Variants in SSBP4 observed in about 807,000 individuals in gnomAD.
SSBP4 encodes single-stranded DNA-binding protein 4.
A neutral mutation model predicts 64.6 loss-of-function variants in SSBP4; 33 were observed. The ratio of observed to expected loss-of-function variants is 0.51; its 90% CI spans 0.39 to 0.68. The LOEUF (loss-of-function observed/expected upper bound fraction) is 0.68, where lower values mean the gene tolerates loss of function less well. Among genes scored for constraint, SSBP4 ranks in the 30% least tolerant of loss-of-function variants. The probability of loss-of-function intolerance (pLI) is 0.00; values close to 1 mark genes in which losing one functional copy is unlikely to be tolerated. For synonymous variants in SSBP4, 243 were observed against 224.0 expected (o/e 1.08, Z -0.76); for missense variants, 583 against 566.8 (o/e 1.03, Z -0.29).
intron 1 of SSBP4, among the ~76,000 whole-genome samples, chr19:18,420,450 G>A (rs1176046874): frequency 6.6e-6 from 1 of 152,196 alleles, no homozygotes; most frequent in African/African-American, 2.4e-5. Flanking sequence ...GTGGGGCTGA[G>A]GTCTCTCGGG....
At position 18,419,654 on chromosome 19, in the gene SSBP4, C is replaced by T; in HGVS notation, c.6C>T (p.Tyr2=). The stretch of plus-strand genomic sequence containing the variant: ...CGGCGGCGGCGTGGAGCAGCATGTA[C>T]GCCAAGGGGGGCAAGGGTTCGGCCG... M[Y]AKGGKGSAVP... The change falls in exon 1 of 18, where the codon TAC becomes TAT. Residue 2 remains tyrosine (Y), a synonymous_variant. Coordinates refer to ENST00000270061, the MANE Select transcript of SSBP4 (RefSeq NM_032627.5). 2 of 1,254,786 alleles carry T rather than the reference C, an allele frequency of 1.6e-6. No individual in the cohort carries two copies. The highest frequency in any genetic ancestry group is 2.0e-6 in the Non-Finnish European group (2 of 994,904). The allele number at this position is 1,254,786 out of a possible 1,614,324, so 77.7% of individuals were successfully genotyped here. A position where few individuals can be genotyped will look rare whatever the true frequency, so the allele number is the denominator to read the frequency against.
chr19:18,433,138 C>G lies in SSBP4; in HGVS notation c.916C>G (p.Pro306Ala), dbSNP rs753415698. ...IGQGAGRANF[P>A]LGPGPEGPMA... Reference sequence around the variant, plus strand: ...CACGCTGTCCCCATGCCCGCAGTTCCCGCTCGGCCCTGGCCCGGAGGGCCC... The same window carrying G: ...CACGCTGTCCCCATGCCCGCAGTTCGCGCTCGGCCCTGGCCCGGAGGGCCC... Residue 306 changes from proline to alanine, a missense_variant, in exon 15 of 18, where the codon CCG becomes GCG. By Grantham distance (27) the Pro-to-Ala change is conservative (BLOSUM62 -1). Around this residue, in one of 5 missense-constraint regions of SSBP4, gnomAD observed 444 missense variants for 386.6 expected, o/e 1.15. Transcript: ENST00000270061. 6.2e-7 allele frequency: 1 copy of G among 1,607,502 alleles called. No homozygotes were observed. The highest frequency in any genetic ancestry group is 1.1e-5 in the South Asian group (1 of 90,486).
At chr19:18,408,023 G>A in the SSBP4 span, among the ~76,000 whole-genome samples, 1 of 152,118 alleles carries the variant, frequency 6.6e-6, no homozygotes, top group South Asian at 2.1e-4. Context: ...GGGACTACAG[G>A]CATGAGCCAC....
intron 4 of SSBP4, among the ~76,000 whole-genome samples, chr19:18,430,446 TG>T (rs1973267141): frequency 6.6e-6 from 1 of 151,610 alleles, no homozygotes; most frequent in East Asian, 1.9e-4. Flanking sequence ...AAGGGCAGGG[TG>T]GGGTGGGGCA....
chr19:18,417,574 G>T (rs1023686192), upstream of SSBP4, among the ~76,000 whole-genome samples: 1 of 152,182 alleles, frequency 6.6e-6, no homozygotes, highest in African/African-American at 2.4e-5. This position sits in a 1 kb window ranked among gnomAD's most constrained non-coding sequence, Gnocchi z 5.4. Flanking sequence ...GGAGTGACCT[G>T]GACGCCGAAG....
Position 18,431,628 on chromosome 19 carries a change from C to A in SSBP4, c.436-19C>A, listed in dbSNP as rs1473928697. On this transcript the variant is annotated intron_variant, in intron 6 of 17. Transcript: ENST00000270061. ...CCAGAGGGTGGGGGAAGGTGCTGAT[C>A]CCCGCCCACCTCTTCCAGCCCTTCA... is the stretch of plus-strand genomic sequence containing the variant. The A allele has an allele frequency of 6.5e-7, 1 of 1,537,612 alleles. No homozygotes were observed. Among genetic ancestry groups the A allele is most frequent in the South Asian group, 1.2e-5 (1 of 83,656 alleles).
intron 6 of SSBP4, 35 bp downstream of exon 6, chr19:18,431,453 A>G: frequency 8.3e-7 from 1 of 1,210,520 alleles, no homozygotes; most frequent in Non-Finnish European, 1.2e-6. Context: ...TCACACACAC[A>G]CATCCCCTCC....
upstream of SSBP4, chr19:18,419,395 C>T (rs1972262636): frequency 9.7e-7 from 1 of 1,032,620 alleles, no homozygotes; most frequent in African/African-American, 1.7e-5. Context: ...GAGGGGAGCG[C>T]GCGTTTCCCG....
intron 17 of SSBP4, 154 bp from the exon 18 acceptor site, chr19:18,434,063 C>T (rs996891492): frequency 2.2e-5 from 28 of 1,299,752 alleles, no homozygotes; most frequent in Non-Finnish European, 2.6e-5. Flanking sequence ...GGCGGCCTTC[C>T]CATGCATCGC....
intron 15 of SSBP4, 111 bp from the exon 16 acceptor site, chr19:18,433,474 G>A: frequency 2.0e-6 from 3 of 1,504,474 alleles, no homozygotes; most frequent in Non-Finnish European, 2.7e-6. Context: ...GGGCTGTGCG[G>A]GGCGGGGGCG....
At chr19:18,415,715 C>T (rs527637676), upstream of SSBP4, among the ~76,000 whole-genome samples, 2 of 152,274 alleles carry the variant, frequency 1.3e-5, no homozygotes, top group South Asian at 2.1e-4. Context: ...GCGTTCCAGG[C>T]GGCAGGAACC....
At chr19:18,420,434 GTCGTGGTGGGGCTGAGGTCTC>G (rs1308789969) in intron 1 of SSBP4, among the ~76,000 whole-genome samples, 1 of 152,158 alleles carries the variant, frequency 6.6e-6, no homozygotes, top group East Asian at 1.9e-4. Flanking sequence ...TGGAGGAAGG[GTCGTGGTGGGGCTGAGGTCTC>G]TCGGGGTGGG....
At chr19:18,404,593 CAAAA>C in the SSBP4 span, among the ~76,000 whole-genome samples, 1 of 72,924 alleles carries the variant, frequency 1.4e-5, no homozygotes. Flanking sequence ...GACTCTGTCT[CAAAA>C]AAAAAAAAAA....
At chr19:18,432,772 G>T (rs1973544381) in intron 12 of SSBP4, 37 bp downstream of exon 12, 1 of 1,612,990 alleles carries the variant, frequency 6.2e-7, no homozygotes, top group East Asian at 2.2e-5. Context: ...CCTGGGCAGG[G>T]GTTGTGGGAT....
At chr19:18,429,470 CGG>C (rs72317419) in intron 4 of SSBP4, among the ~76,000 whole-genome samples, 39,394 of 116,626 alleles carry the variant, frequency 0.34, 6,157 homozygotes, top group African/African-American at 0.47. Flanking sequence ...TCGCAGGGGG[CGG>C]GGGGGGGGTG....
At position 18,433,307 on chromosome 19, in the gene SSBP4, A is replaced by G; in HGVS notation, c.991+94A>G. The G allele has an allele frequency of 3.4e-6, 5 of 1,471,284 alleles. No homozygotes were observed. In the South Asian group the frequency reaches 6.2e-5, roughly 18 times the overall value. The allele number at this position is 1,471,284 out of a possible 1,614,324, so 91.1% of individuals were successfully genotyped here. On this transcript the variant is annotated intron_variant, in intron 15 of 17. Coordinates refer to ENST00000270061, the MANE Select transcript of SSBP4 (RefSeq NM_032627.5). ...TGCCGTCAGCCCGCCTGCCGGGTGGAGGCGTCTAGTGGCGTCCTGAGCCCC... is the reference window on the plus strand; with the variant it reads ...TGCCGTCAGCCCGCCTGCCGGGTGGGGGCGTCTAGTGGCGTCCTGAGCCCC...
chr19:18,413,069 A>C, the SSBP4 span, among the ~76,000 whole-genome samples: 6 of 151,558 alleles, frequency 4.0e-5, no homozygotes, highest in African/African-American at 1.5e-4. Flanking sequence ...CCCGCCTGGG[A>C]CAGCTGGGGG....
At position 18,432,699 on chromosome 19, in the gene SSBP4, G is replaced by C. The variant is rs1314257614; in HGVS notation, c.751-1G>C. Reference sequence around the variant, plus strand: ...CTGCTCACAGCTGCCCTTGTCCCCAGATCCCCTACTCCTCCTCATCCCCCG... The same window carrying C: ...CTGCTCACAGCTGCCCTTGTCCCCACATCCCCTACTCCTCCTCATCCCCCG... On this transcript the variant is annotated splice_acceptor_variant, in intron 11 of 17. Coordinates refer to ENST00000270061, the MANE Select transcript of SSBP4 (RefSeq NM_032627.5). LOFTEE classifies it high-confidence loss of function. 1.9e-6 allele frequency: 3 copies of C among 1,572,974 alleles called. No individual in the cohort carries two copies. The highest frequency in any genetic ancestry group is 1.7e-5 in the Admixed American group (1 of 57,878).
chr19:18,431,081 CT>C, intron 5 of SSBP4, 151 bp downstream of exon 5: 1 of 942,500 alleles, frequency 1.1e-6, no homozygotes, highest in Non-Finnish European at 1.6e-6. Context: ...CCAGGTGGGC[CT>C]TTCAGGGGCC....
Sources: gnomAD v4.1 joint callset for allele counts (sites outside exome capture counted in the v4.1 genomes callset) on GRCh38, gnomAD v4.1.1 for gene constraint, gnomAD v4.1.1 regional missense constraint, Gnocchi (gnomAD v3.1) non-coding constraint, MANE v1.5 for transcripts, NCBI Gene and HGNC (gene_info 2026-07-23, HGNC 2026-07-21) for gene names.